WWTR1: variants seen among roughly 807,000 people sequenced by gnomAD.
WWTR1 encodes WW domain containing transcription regulator 1, also known as WW domain-containing transcription regulator protein 1.
Under a neutral mutation model 40.1 loss-of-function variants are expected in WWTR1, and 13 were observed. That is an observed-to-expected ratio of 0.32 (90% CI 0.21 to 0.52). WWTR1 has a LOEUF of 0.52. Among genes scored for constraint, WWTR1 ranks in the 20% least tolerant of loss-of-function variants. The pLI is 0.97. For missense variants in WWTR1, 436 were observed against 523.1 expected (o/e 0.83, Z 1.63); for synonymous variants, 230 against 210.1 (o/e 1.09, Z -0.82).
intron 4 of WWTR1, among the ~76,000 whole-genome samples, chr3:149,531,336 T>C (rs1399943289): frequency 6.6e-6 from 1 of 152,174 alleles, no homozygotes; most frequent in Non-Finnish European, 1.5e-5. Context: ...CATTCTTAGG[T>C]CACAAGTTAT....
intron 2 of WWTR1, among the ~76,000 whole-genome samples, chr3:149,603,943 G>A (rs1210352491): frequency 6.7e-6 from 1 of 148,794 alleles, no homozygotes; most frequent in African/African-American, 2.5e-5. Context: ...ATAGTATTTT[G>A]CCACGGTCAT....
intron 2 of WWTR1, among the ~76,000 whole-genome samples, chr3:149,626,264 CAACT>C (rs1481208416): frequency 6.6e-6 from 1 of 152,052 alleles, no homozygotes; most frequent in African/African-American, 2.4e-5. Context: ...TGGAGCCTAC[CAACT>C]AATAACAGAG....
chr3:149,532,174 C>T (rs1005021787), intron 4 of WWTR1, among the ~76,000 whole-genome samples: 3 of 152,170 alleles, frequency 2.0e-5, no homozygotes, highest in African/African-American at 4.8e-5. Flanking sequence ...GATGATAAAA[C>T]GGGATAACAC....
intron 3 of WWTR1, among the ~76,000 whole-genome samples, chr3:149,553,401 A>T (rs971008159): frequency 1.2e-4 from 18 of 152,174 alleles, no homozygotes; most frequent in African/African-American, 4.3e-4. Context: ...GACTATTTTA[A>T]TTAACTTATT....
intron 2 of WWTR1, among the ~76,000 whole-genome samples, chr3:149,604,380 T>C (rs1739392910): frequency 6.6e-6 from 1 of 152,298 alleles, no homozygotes; most frequent in Non-Finnish European, 1.5e-5. Context: ...CCATCTCTAC[T>C]CATCATCCAG....
intron 2 of WWTR1, among the ~76,000 whole-genome samples, chr3:149,584,435 T>C (rs1738309970): frequency 6.6e-6 from 1 of 152,208 alleles, no homozygotes; most frequent in South Asian, 2.1e-4. Flanking sequence ...TTGAAAGGCA[T>C]GACACAACTT....
chr3:149,699,477 G>C (rs536777714), intron 1 of WWTR1, among the ~76,000 whole-genome samples: 24 of 152,128 alleles, frequency 1.6e-4, no homozygotes, highest in African/African-American at 5.5e-4. Flanking sequence ...ATTTTTAGTA[G>C]AGATGGGGTT....
At chr3:149,565,718 C>T (rs904893241) in intron 3 of WWTR1, among the ~76,000 whole-genome samples, 2 of 151,830 alleles carry the variant, frequency 1.3e-5, no homozygotes, top group African/African-American at 4.8e-5. Context: ...TTGAGACCAG[C>T]CTGACCAACA....
At chr3:149,708,360 G>A (rs913799322) in intron 5 of WWTR1, among the ~76,000 whole-genome samples, 3 of 152,002 alleles carry the variant, frequency 2.0e-5, no homozygotes, top group Admixed American at 2.0e-4. Context: ...CCATTTTGAA[G>A]TGTACAGTTC....
rs997793265 is a variant in WWTR1, at chr3:149,577,013, C to T, written c.432-4013G>A. ...TCTCTACTAAAAATACAAAATTAGC[C>T]GGCTGTGGTGGCACATGCCTGTAAT... On this transcript the variant is annotated intron_variant, in intron 2 of 6. Coordinates refer to ENST00000360632, the MANE Select transcript of WWTR1 (RefSeq NM_015472.6). Among the ~76,000 whole-genome samples, 18 of 152,172 alleles carry T rather than the reference C, an allele frequency of 1.2e-4. 1 individual carries two copies. The highest frequency in any genetic ancestry group is 7.9e-4 in the Admixed American group (12 of 15,266).
intron 2 of WWTR1, among the ~76,000 whole-genome samples, chr3:149,650,746 G>C (rs182974334): frequency 1.3e-5 from 2 of 152,162 alleles, no homozygotes; most frequent in Admixed American, 1.3e-4. Flanking sequence ...GATGGAGTTG[G>C]GTATCCTCTG....
chr3:149,657,307 C>T lies in WWTR1; in HGVS notation c.-1G>A. ...GAGGGGGCGCCGAGGCCGGATTCATCTTCTGCAAAAAGAAGGTCAGATCAG... is the reference window on the plus strand; with the variant it reads ...GAGGGGGCGCCGAGGCCGGATTCATTTTCTGCAAAAAGAAGGTCAGATCAG... On this transcript the variant is annotated splice_region_variant and 5_prime_UTR_variant, in exon 2 of 7. Coordinates refer to ENST00000360632, the MANE Select transcript of WWTR1 (RefSeq NM_015472.6). 6.2e-7 allele frequency: 1 copy of T among 1,607,978 alleles called. No individual in the cohort carries two copies. The highest frequency in any genetic ancestry group is 8.5e-7 in the Non-Finnish European group (1 of 1,177,220).
chr3:149,636,229 T>C (rs1263207271), intron 2 of WWTR1, among the ~76,000 whole-genome samples: 2 of 152,228 alleles, frequency 1.3e-5, no homozygotes, highest in Admixed American at 6.5e-5. Flanking sequence ...GACATCTCTG[T>C]ACTCACTACT....
Position 149,536,489 on chromosome 3 carries a change from G to C in WWTR1, c.771+5846C>G, listed in dbSNP as rs868352836. On this transcript the variant is annotated intron_variant, in intron 4 of 6. Coordinates refer to ENST00000360632, the MANE Select transcript of WWTR1 (RefSeq NM_015472.6). ...TGCATGACAAAAAAAAAAAGGGGGG[G>C]GCCTCAGAACCTTCCCCAGGCCAGT... Among the ~76,000 whole-genome samples, 967 of 151,858 alleles carry C rather than the reference G, an allele frequency of 6.4e-3. 16 individuals are homozygous for C. Among genetic ancestry groups the C allele is most frequent in the African/African-American group, 0.022 (897 of 41,384 alleles).
chr3:149,708,686 G>A (rs1224042651), intron 5 of WWTR1, among the ~76,000 whole-genome samples: 3 of 152,130 alleles, frequency 2.0e-5, no homozygotes, highest in Non-Finnish European at 4.4e-5. Context: ...TCTAGCATAT[G>A]CTATATTTTG....
intron 4 of WWTR1, among the ~76,000 whole-genome samples, chr3:149,528,489 T>C (rs1735431925): frequency 6.6e-6 from 1 of 152,176 alleles, no homozygotes; most frequent in Admixed American, 6.5e-5. Flanking sequence ...GTTGAAAGTT[T>C]ACTTTAAAAA....
chr3:149,585,678 A>G (rs1209857015), intron 2 of WWTR1, among the ~76,000 whole-genome samples: 1 of 152,052 alleles, frequency 6.6e-6, no homozygotes, highest in Non-Finnish European at 1.5e-5. Context: ...TGAGCATCTC[A>G]TGTCAGCACA....
chr3:149,648,632 T>C (rs760333975), intron 2 of WWTR1, among the ~76,000 whole-genome samples: 18 of 152,138 alleles, frequency 1.2e-4, no homozygotes, highest in Non-Finnish European at 2.4e-4. Flanking sequence ...AGGGAAATAA[T>C]GTTCCAGGCA....
At chr3:149,707,476 CAGG>C (rs1422286763), upstream of WWTR1, among the ~76,000 whole-genome samples, 11 of 152,072 alleles carry the variant, frequency 7.2e-5, no homozygotes, top group African/African-American at 2.7e-4. Flanking sequence ...TCTTCACGAA[CAGG>C]AGAACAATTC....
Sources: gnomAD v4.1 joint callset for allele counts (sites outside exome capture counted in the v4.1 genomes callset) on GRCh38, gnomAD v4.1.1 for gene constraint, MANE v1.5 for transcripts, NCBI Gene and HGNC (gene_info 2026-07-23, HGNC 2026-07-21) for gene names.